The following JADE2 variants were observed in gnomAD, a reference collection of about 807,000 sequenced individuals.
JADE2 encodes the protein jade family PHD finger 2.
In JADE2, 13 loss-of-function variants were observed where a neutral mutation model predicts 85.7. That is an observed-to-expected ratio of 0.15 (90% CI 0.10 to 0.24). JADE2 has a LOEUF of 0.24. Ranked by LOEUF, JADE2 falls within the 10% of genes least tolerant of loss-of-function variation. JADE2 has a pLI of 1.00. For synonymous variants in JADE2, 440 were observed against 456.1 expected (o/e 0.96, Z 0.45); for missense variants, 846 against 1,115.9 (o/e 0.76, Z 3.45).
chr5:134,526,392 G>A, intron 1 of JADE2: 10 of 985,408 alleles, frequency 1.0e-5, no homozygotes, highest in Non-Finnish European at 1.2e-5. Context: ...TTCCCCGCGG[G>A]CTCCGGCCGG....
At chr5:134,532,298 T>C (rs1481771024) in intron 1 of JADE2, among the ~76,000 whole-genome samples, 1 of 152,132 alleles carries the variant, frequency 6.6e-6, no homozygotes, top group African/African-American at 2.4e-5. Flanking sequence ...TGAGATTGGC[T>C]TGGACCAGTG....
chr5:134,572,201 G>GC (rs1181069497), intron 9 of JADE2, among the ~76,000 whole-genome samples: 1 of 152,100 alleles, frequency 6.6e-6, no homozygotes, highest in Admixed American at 6.6e-5. Flanking sequence ...GCCCAGGGTG[G>GC]CCCCCCGGAG....
At position 134,538,007 on chromosome 5, in the gene JADE2, C is replaced by T. The variant is rs779087843; in HGVS notation, c.77C>T (p.Ser26Phe). 1.9e-6 allele frequency: 3 copies of T among 1,614,056 alleles called. No individual in the cohort carries two copies. The highest frequency in any genetic ancestry group is 2.5e-6 in the Non-Finnish European group (3 of 1,179,912). ...DTTDSHATST[S>F]ASRCSKLPSS... ...TCTGCAGGTCATGCGACATCTACAT[C>T]CGCATCAAGATGCTCCAAACTGCCC... Residue 26 changes from serine (S) to phenylalanine (F), a missense_variant, in exon 3 of 12, where the codon TCC becomes TTC. Physicochemically the swap from Ser to Phe is radical, Grantham distance 155. Around this residue, in one of 9 missense-constraint regions of JADE2, gnomAD observed 47 missense variants for 42.2 expected, o/e 1.11. Transcript: ENST00000681547.
chr5:134,533,547 T>G (rs1202127754), intron 1 of JADE2: 1 of 985,108 alleles, frequency 1.0e-6, no homozygotes, highest in African/African-American at 1.7e-5. Flanking sequence ...TTGCAGGAAA[T>G]GAAGAGAAAT....
chr5:134,573,861 G>T, intron 10 of JADE2, 99 bp downstream of exon 10: 1 of 834,830 alleles, frequency 1.2e-6, no homozygotes, highest in Non-Finnish European at 2.1e-6. Flanking sequence ...GTGGGGGTAT[G>T]TGCGTGGAGC....
At chr5:134,574,268 A>C in intron 10 of JADE2, 1 of 198,958 alleles carries the variant, frequency 5.0e-6, no homozygotes, top group Non-Finnish European at 1.0e-5. Flanking sequence ...TCACTGTTTC[A>C]TTCTTATTAT....
chr5:134,581,221 T>C lies in JADE2; in HGVS notation c.*1904T>C, dbSNP rs1764697185. 1 of 152,556 alleles carries C rather than the reference T, an allele frequency of 6.6e-6. No homozygotes were observed. Among genetic ancestry groups the C allele is most frequent in the East Asian group, 1.9e-4 (1 of 5,194 alleles). The allele number at this position is 152,556 out of a possible 1,614,324, so 9.5% of individuals were successfully genotyped here. ...GGGTGGGCTTCAAGGATTCTGGGCG[T>C]TGGGATGGCATGAGCTACCCTGTAG... On this transcript the variant is annotated 3_prime_UTR_variant, in exon 12 of 12. Transcript: ENST00000681547.
intron 1 of JADE2, among the ~76,000 whole-genome samples, chr5:134,527,186 T>G (rs915251690): frequency 2.1e-5 from 3 of 145,588 alleles, no homozygotes; most frequent in Non-Finnish European, 4.5e-5. Flanking sequence ...CAGTGGCATC[T>G]TCCCGGCCTC....
intron 1 of JADE2, among the ~76,000 whole-genome samples, chr5:134,528,498 A>C (rs1761027826): frequency 1.3e-5 from 2 of 152,170 alleles, no homozygotes; most frequent in South Asian, 4.1e-4. Flanking sequence ...CCAGGCAGGG[A>C]GGAGGGCTTT....
chr5:134,547,269 C>A (rs533770441), intron 3 of JADE2, among the ~76,000 whole-genome samples: 2 of 152,198 alleles, frequency 1.3e-5, no homozygotes, highest in Non-Finnish European at 2.9e-5. Context: ...ATTGGCACCC[C>A]TAGCACTCAG....
intron 1 of JADE2, among the ~76,000 whole-genome samples, chr5:134,535,396 G>T (rs1761524713): frequency 6.6e-6 from 1 of 152,152 alleles, no homozygotes; most frequent in South Asian, 2.1e-4. Context: ...GTGCTGGCTT[G>T]TCCCTAACTT....
chr5:134,553,089 C>T (rs1762695271), intron 4 of JADE2, among the ~76,000 whole-genome samples: 1 of 149,494 alleles, frequency 6.7e-6, no homozygotes, highest in African/African-American at 2.5e-5. Context: ...GACCTCCCAG[C>T]CTCAAGTGAT....
chr5:134,566,588 C>T lies in JADE2; in HGVS notation c.1434+8C>T. The T allele has an allele frequency of 9.1e-6, 14 of 1,537,046 alleles. No homozygotes were observed. The highest frequency in any genetic ancestry group is 1.2e-5 in the Non-Finnish European group (14 of 1,137,364). ...CGGCAGGACCTAGAGAGGGTGAGTC[C>T]CCATGCCGCCTGCCCACCCCCTGCC... is the stretch of plus-strand genomic sequence containing the variant. On this transcript the variant is annotated splice_region_variant and intron_variant, in intron 9 of 11. Transcript: ENST00000681547. This position sits in a 1 kb window ranked among gnomAD's most constrained non-coding sequence, Gnocchi z 6.7.
In JADE2 at chr5:134,531,883, CTTTTT is replaced by C. The variant is rs1160758941; in HGVS notation, c.1-3949_1-3945del. Among the ~76,000 whole-genome samples, 86 of 38,466 alleles carry C rather than the reference CTTTTT, an allele frequency of 2.2e-3. 1 individual carries two copies. The highest frequency in any genetic ancestry group is 8.8e-3 in the South Asian group (8 of 914). 25.2% of individuals were successfully genotyped at this position (38,466 alleles called of 152,430 possible). ...TATAAGGATGAGCCACCGTGCCTGGCTTTTTTTTTTTTTTTTTTTTTTTTTTTTTT... is the reference window on the plus strand; with the variant it reads ...TATAAGGATGAGCCACCGTGCCTGGCTTTTTTTTTTTTTTTTTTTTTTTTT... On this transcript the variant is annotated intron_variant, in intron 1 of 11. Coordinates refer to ENST00000681547, the MANE Select transcript of JADE2 (RefSeq NM_001388185.1).
intron 3 of JADE2, among the ~76,000 whole-genome samples, chr5:134,547,298 G>A (rs1443422814): frequency 2.0e-5 from 3 of 152,226 alleles, no homozygotes; most frequent in Non-Finnish European, 4.4e-5. Context: ...TTCAATTAGA[G>A]TTTGAAGCCT....
In JADE2 at chr5:134,566,333, G is replaced by A. The variant is rs115812370; in HGVS notation, c.1187G>A (p.Arg396Gln). 1.7e-5 allele frequency: 27 copies of A among 1,614,004 alleles called. No homozygotes were observed. Among genetic ancestry groups the A allele is most frequent in the Admixed American group, 3.3e-5 (2 of 60,020 alleles). ...GAAAAGGTGACCCTGCGCAAGCAGC[G>A]GCTGCAGCAGCTAGAGGAGGACTTC... ...DLEKVTLRKQ[R>Q]LQQLEEDFYE... Residue 396 changes from arginine (R) to glutamine (Q), a missense_variant, in exon 9 of 12, where the codon CGG becomes CAG. Physicochemically the swap from Arg to Gln is conservative, Grantham distance 43 (BLOSUM62 1). This residue lies in a region of JADE2 where 88 missense variants were observed against 140.6 expected (regional missense o/e 0.63). Coordinates refer to ENST00000681547, the MANE Select transcript of JADE2 (RefSeq NM_001388185.1). The surrounding 1 kb of genome is among the most constrained non-coding windows in gnomAD (Gnocchi z 6.7).
intron 11 of JADE2, 103 bp downstream of exon 11, chr5:134,576,999 C>T: frequency 7.3e-7 from 1 of 1,361,176 alleles, no homozygotes; most frequent in Non-Finnish European, 9.8e-7. Flanking sequence ...GAGTAGGAGA[C>T]TGAGGCTCAA....
At chr5:134,552,351 C>A (rs1581432441) in intron 4 of JADE2, 142 bp downstream of exon 4, 1 of 839,468 alleles carries the variant, frequency 1.2e-6, no homozygotes, top group Non-Finnish European at 1.8e-6. Flanking sequence ...TCCAACAAAC[C>A]ATTGAAATGT....
Position 134,582,929 on chromosome 5 carries a change from C to G in JADE2, c.*3612C>G, listed in dbSNP as rs1027354431. 6.6e-6 allele frequency: 1 copy of G among 152,592 alleles called. No homozygotes were observed. Among genetic ancestry groups the G allele is most frequent in the African/African-American group, 2.4e-5 (1 of 41,426 alleles). The allele number at this position is 152,592 out of a possible 1,614,324, so 9.5% of individuals were successfully genotyped here. On this transcript the variant is annotated 3_prime_UTR_variant, in exon 12 of 12. Transcript: ENST00000681547. ...TTATTTTCTTGTATTAGAAAAGATTCCTTTGTAGAGAAAAAATGTATTTTT... is the reference window on the plus strand; with the variant it reads ...TTATTTTCTTGTATTAGAAAAGATTGCTTTGTAGAGAAAAAATGTATTTTT...
Sources: gnomAD v4.1 joint callset for allele counts (sites outside exome capture counted in the v4.1 genomes callset) on GRCh38, gnomAD v4.1.1 for gene constraint, gnomAD v4.1.1 regional missense constraint, Gnocchi (gnomAD v3.1) non-coding constraint, MANE v1.5 for transcripts, NCBI Gene and HGNC (gene_info 2026-07-23, HGNC 2026-07-21) for gene names.